NALF1: variants seen among roughly 807,000 people sequenced by gnomAD.
The protein encoded by NALF1 is family with sequence similarity 155 member A.
A neutral mutation model predicts 48.4 loss-of-function variants in NALF1; 3 were observed. The ratio of observed to expected loss-of-function variants is 0.06; its 90% CI spans 0.03 to 0.16. The LOEUF (loss-of-function observed/expected upper bound fraction) is 0.16. Among genes scored for constraint, NALF1 ranks in the 10% least tolerant of loss-of-function variants. The probability of loss-of-function intolerance (pLI) is 1.00; values close to 1 mark genes in which losing one functional copy is unlikely to be tolerated. For synonymous variants in NALF1, 262 were observed against 245.7 expected, an observed-to-expected ratio of 1.07 and a Z score of -0.62; for missense variants, 526 against 571.5, an observed-to-expected ratio of 0.92 and a Z score of 0.81.
At chr13:107,632,521 T>C (rs1163698724) in intron 1 of NALF1, among the ~76,000 whole-genome samples, 1 of 152,142 alleles carries the variant, frequency 6.6e-6, no homozygotes, top group Non-Finnish European at 1.5e-5. Flanking sequence ...GTAGGCATTC[T>C]CCAGAACTAC....
chr13:107,749,689 C>T (rs140501626), intron 1 of NALF1, among the ~76,000 whole-genome samples: 123 of 152,060 alleles, frequency 8.1e-4, no homozygotes, highest in African/African-American at 2.7e-3. Flanking sequence ...CATTTACAGA[C>T]GATCTTAATC....
At chr13:107,479,245 G>C (rs563376392) in intron 1 of NALF1, among the ~76,000 whole-genome samples, 1 of 152,126 alleles carries the variant, frequency 6.6e-6, no homozygotes, top group Non-Finnish European at 1.5e-5. Context: ...TGCATTGGCA[G>C]TGCAAAGCCC....
intron 1 of NALF1, among the ~76,000 whole-genome samples, chr13:107,759,068 C>T (rs1318867350): frequency 1.3e-5 from 2 of 152,108 alleles, no homozygotes; most frequent in African/African-American, 4.8e-5. Context: ...TTGTAATAGA[C>T]TTCTGTCCTC....
At chr13:107,323,926 A>G (rs1882302469) in intron 1 of NALF1, among the ~76,000 whole-genome samples, 1 of 152,078 alleles carries the variant, frequency 6.6e-6, no homozygotes, top group African/African-American at 2.4e-5. Flanking sequence ...CCTGAGCAAC[A>G]TAGCAAGACC....
chr13:107,501,595 T>G (rs2146951), intron 1 of NALF1, among the ~76,000 whole-genome samples: 56,770 of 152,008 alleles, frequency 0.37, 12,574 homozygotes, highest in Non-Finnish European at 0.5. Flanking sequence ...TCACACAATT[T>G]TAAGCATAGG....
intron 1 of NALF1, among the ~76,000 whole-genome samples, chr13:107,600,779 A>G (rs933707444): frequency 2.0e-5 from 3 of 152,238 alleles, no homozygotes; most frequent in Admixed American, 6.5e-5. Context: ...AATGATTGCT[A>G]TATCATTAGT....
At chr13:107,786,242 C>T (rs373766873) in intron 1 of NALF1, among the ~76,000 whole-genome samples, 34 of 151,584 alleles carry the variant, frequency 2.2e-4, no homozygotes, top group African/African-American at 7.3e-4. Context: ...CATGGTGAAA[C>T]GCCATCTCTA....
At chr13:107,751,042 C>A (rs1450799056) in intron 1 of NALF1, among the ~76,000 whole-genome samples, 1 of 152,192 alleles carries the variant, frequency 6.6e-6, no homozygotes, top group Non-Finnish European at 1.5e-5. Flanking sequence ...CTTTCAACTA[C>A]AAAATGGAAT....
chr13:107,683,352 G>A (rs982372601), intron 1 of NALF1, among the ~76,000 whole-genome samples: 7 of 152,176 alleles, frequency 4.6e-5, no homozygotes, highest in African/African-American at 1.4e-4. Context: ...AAAAATATCT[G>A]ATTTAGTAAT....
intron 1 of NALF1, among the ~76,000 whole-genome samples, chr13:107,372,132 G>GAA (rs5806650): frequency 2.0e-5 from 3 of 151,956 alleles, no homozygotes; most frequent in South Asian, 2.1e-4. Context: ...GGTGTTGAAG[G>GAA]AAAAAAAATC....
intron 1 of NALF1, among the ~76,000 whole-genome samples, chr13:107,717,382 T>A (rs1594225497): frequency 6.6e-6 from 1 of 152,222 alleles, no homozygotes; most frequent in African/African-American, 2.4e-5. Context: ...ACCCACAGAA[T>A]CAGAAACTCT....
chr13:107,520,063 T>C (rs1332906444), intron 1 of NALF1, among the ~76,000 whole-genome samples: 1 of 152,196 alleles, frequency 6.6e-6, no homozygotes, highest in Non-Finnish European at 1.5e-5. Flanking sequence ...GTGTCTTCTG[T>C]CAACATTATA....
intron 1 of NALF1, among the ~76,000 whole-genome samples, chr13:107,297,595 CA>C (rs1357164174): frequency 6.6e-6 from 1 of 152,116 alleles, no homozygotes; most frequent in Non-Finnish European, 1.5e-5. Flanking sequence ...AAAACAAAAT[CA>C]AAGGCTCTCA....
chr13:107,758,732 AT>A (rs1190364521), intron 1 of NALF1, among the ~76,000 whole-genome samples: 1 of 151,982 alleles, frequency 6.6e-6, no homozygotes, highest in African/African-American at 2.4e-5. Flanking sequence ...AAAGAAAAAA[AT>A]AAAAAGAAAA....
At chr13:107,441,482 G>A (rs1396901890) in intron 1 of NALF1, among the ~76,000 whole-genome samples, 1 of 152,118 alleles carries the variant, frequency 6.6e-6, no homozygotes. Context: ...GTGAATAATG[G>A]GACTTAGTCA....
At chr13:107,805,398 T>C (rs1878747159) in intron 1 of NALF1, among the ~76,000 whole-genome samples, 1 of 152,188 alleles carries the variant, frequency 6.6e-6, no homozygotes, top group Non-Finnish European at 1.5e-5. Context: ...CTATGCATTG[T>C]GTCACTTCTA....
At chr13:107,316,258 T>C (rs1882147916) in intron 1 of NALF1, among the ~76,000 whole-genome samples, 1 of 152,214 alleles carries the variant, frequency 6.6e-6, no homozygotes, top group Admixed American at 6.5e-5. Context: ...TAGTATTCCA[T>C]GGTGTATATG....
At chr13:107,552,297 A>G (rs138475676) in intron 1 of NALF1, among the ~76,000 whole-genome samples, 19 of 152,298 alleles carry the variant, frequency 1.2e-4, no homozygotes, top group African/African-American at 4.3e-4. Context: ...CTGAACAAAT[A>G]AATAAATAGA....
At chr13:107,758,434 T>A in intron 1 of NALF1, among the ~76,000 whole-genome samples, 1 of 152,070 alleles carries the variant, frequency 6.6e-6, no homozygotes. Flanking sequence ...ATAAAAAGCA[T>A]GTATAGGCTT....
Sources: allele counts gnomAD v4.1 joint callset (sites outside exome capture counted in the v4.1 genomes callset), GRCh38; gene constraint gnomAD v4.1.1; transcripts MANE v1.5; gene names NCBI Gene and HGNC (gene_info 2026-07-23, HGNC 2026-07-21).